OPALIN: variants seen among roughly 807,000 people sequenced by gnomAD.
The protein encoded by OPALIN is transmembrane protein 10.
In OPALIN, 15 loss-of-function variants were observed where a neutral mutation model predicts 17.8. The observed-to-expected ratio is 0.84, with a 90% CI of 0.56 to 1.29. OPALIN has a LOEUF of 1.29. OPALIN is among the 50% of genes most tolerant of loss of function. The pLI, the probability that OPALIN is intolerant of heterozygous loss-of-function variation, is 0.00. For missense variants in OPALIN, 170 were observed against 176.0 expected, an observed-to-expected ratio of 0.97 and a Z score of 0.19; for synonymous variants, 62 against 63.8, an observed-to-expected ratio of 0.97 and a Z score of 0.14.
chr10:96,353,109 C>G (rs974092463), intron 2 of OPALIN, among the ~76,000 whole-genome samples: 1 of 152,022 alleles, frequency 6.6e-6, no homozygotes, highest in Non-Finnish European at 1.5e-5. Context: ...TAAGGTCACA[C>G]AGCCCTAGGT....
intron 3 of OPALIN, 68 bp from the exon 4 acceptor site, chr10:96,349,894 A>G: frequency 4.1e-6 from 6 of 1,472,546 alleles, no homozygotes; most frequent in Admixed American, 2.7e-5. Flanking sequence ...GAAAAATTCA[A>G]TAGAATAAAA....
At chr10:96,348,180 C>T in intron 5 of OPALIN, 109 bp downstream of exon 5, 1 of 484,668 alleles carries the variant, frequency 2.1e-6, no homozygotes, top group Non-Finnish European at 3.7e-6. Flanking sequence ...TCTTGGTCAT[C>T]TCTTTTCTAC....
At position 96,346,123 on chromosome 10, in the gene OPALIN, G is replaced by C. The variant is rs761197518; in HGVS notation, c.250-6C>G. On this transcript the variant is annotated splice_region_variant and splice_polypyrimidine_tract_variant and intron_variant, in intron 5 of 5. Coordinates refer to ENST00000371172, the MANE Select transcript of OPALIN (RefSeq NM_033207.5). ...GTGGGTGATCTCCTAGGATTCTTAA[G>C]GAAACAAATAGGTTTTTTAAAAACT... 1 of 1,611,960 alleles carries C rather than the reference G, an allele frequency of 6.2e-7. No individual in the cohort carries two copies. Among genetic ancestry groups the C allele is most frequent in the Non-Finnish European group, 8.5e-7 (1 of 1,178,984 alleles).
At chr10:96,351,812 A>G (rs17111736) in intron 2 of OPALIN, among the ~76,000 whole-genome samples, 9,383 of 152,260 alleles carry the variant, frequency 0.062, 836 homozygotes, top group East Asian at 0.44. Flanking sequence ...GCTTGTTTTC[A>G]AGTATGTGAT....
intron 1 of OPALIN, among the ~76,000 whole-genome samples, chr10:96,355,837 G>C (rs545836432): frequency 6.6e-6 from 1 of 152,302 alleles, no homozygotes; most frequent in East Asian, 1.9e-4. Context: ...GTGGCCAGGA[G>C]GACAGGGGAA....
At chr10:96,357,072 G>T in intron 1 of OPALIN, 1 of 985,440 alleles carries the variant, frequency 1.0e-6, no homozygotes, top group Non-Finnish European at 1.2e-6. Flanking sequence ...TTAGGTCAGG[G>T]TCCTCTTGCT....
At chr10:96,349,652 C>T in intron 4 of OPALIN, 55 bp downstream of exon 4, 1 of 1,572,072 alleles carries the variant, frequency 6.4e-7, no homozygotes. Context: ...AAAGCCAGTT[C>T]ACTGAAATAC....
At position 96,349,785 on chromosome 10, in the gene OPALIN, C is replaced by T; in HGVS notation, c.114G>A (p.Leu38=). The change falls in exon 4 of 6, where the codon TTG becomes TTA. Residue 38 remains leucine, a synonymous_variant. Coordinates refer to ENST00000371172, the MANE Select transcript of OPALIN (RefSeq NM_033207.5). ...PSLGLAAGIP[L]LVATALLVAL... The stretch of plus-strand genomic sequence containing the variant: ...CCACCAGCAGGGCTGTGGCCACCAG[C>T]AATGGTATGCCCGCCGCTAATCCAA... The T allele has an allele frequency of 6.2e-7, 1 of 1,611,034 alleles. No individual in the cohort carries two copies. Among genetic ancestry groups the T allele is most frequent in the East Asian group, 2.2e-5 (1 of 44,852 alleles).
Position 96,345,224 on chromosome 10 carries a change from G to A in OPALIN, c.*717C>T, listed in dbSNP as rs1011764440. On this transcript the variant is annotated 3_prime_UTR_variant, in exon 6 of 6. Transcript: ENST00000371172. ...AACTAACATTTTGACTGGCAACTAAGTAGCAGACACTTCCCTTTATTTCTT... is the reference window on the plus strand; with the variant it reads ...AACTAACATTTTGACTGGCAACTAAATAGCAGACACTTCCCTTTATTTCTT... The A allele has an allele frequency of 6.6e-6, 1 of 152,214 alleles. No homozygotes were observed. Among genetic ancestry groups the A allele is most frequent in the Non-Finnish European group, 1.5e-5 (1 of 68,028 alleles). The allele number at this position is 152,214 out of a possible 1,614,324, so 9.4% of individuals were successfully genotyped here.
Position 96,343,368 on chromosome 10 carries a change from GAA to G in OPALIN, c.*2571_*2572del, listed in dbSNP as rs1172592738. On this transcript the variant is annotated 3_prime_UTR_variant, in exon 6 of 6. Coordinates refer to ENST00000371172, the MANE Select transcript of OPALIN (RefSeq NM_033207.5). The stretch of plus-strand genomic sequence containing the variant: ...TATTCTAAGCCGTGGATTATAAGTA[GAA>G]TTAAAATAAGTGATCCAAAACACAA... The G allele has an allele frequency of 6.6e-6, 1 of 152,162 alleles. No individual in the cohort carries two copies. Among genetic ancestry groups the G allele is most frequent in the Non-Finnish European group, 1.5e-5 (1 of 68,034 alleles). 9.4% of individuals were successfully genotyped at this position (152,162 alleles called of 1,614,324 possible).
In OPALIN at chr10:96,350,081, G is replaced by T. The variant is rs563964953; in HGVS notation, c.73-255C>A. On this transcript the variant is annotated intron_variant, in intron 3 of 5. Transcript: ENST00000371172. ...TGATCAAGTAGAAAAATGGGCAAAG[G>T]ATATGAACAGGTATTCTTTAGAACA... Among the ~76,000 whole-genome samples, 7 of 152,272 alleles carry T rather than the reference G, an allele frequency of 4.6e-5. No homozygotes were observed. In the South Asian group the frequency reaches 1.2e-3, roughly 27 times the overall value.
At chr10:96,354,710 C>T (rs747843783) in intron 2 of OPALIN, among the ~76,000 whole-genome samples, 7 of 150,430 alleles carry the variant, frequency 4.7e-5, no homozygotes, top group Non-Finnish European at 1.0e-4. Flanking sequence ...TGTTGTTTTC[C>T]TATTTTCCTT....
intron 4 of OPALIN, among the ~76,000 whole-genome samples, chr10:96,349,210 C>A (rs1365074215): frequency 1.3e-5 from 2 of 152,160 alleles, no homozygotes; most frequent in Admixed American, 6.5e-5. Flanking sequence ...CTTTTGATTT[C>A]TAAGCATAGT....
intron 5 of OPALIN, among the ~76,000 whole-genome samples, chr10:96,347,718 C>T (rs933546919): frequency 2.0e-5 from 3 of 152,116 alleles, no homozygotes; most frequent in Non-Finnish European, 4.4e-5. Context: ...GATGATTCAC[C>T]CGCCTCAGCC....
intron 2 of OPALIN, among the ~76,000 whole-genome samples, chr10:96,352,086 T>C (rs1313982817): frequency 2.6e-5 from 4 of 152,158 alleles, no homozygotes; most frequent in African/African-American, 9.7e-5. Context: ...CTGCCTGCCA[T>C]AGAACAGCCA....
chr10:96,352,322 AATT>A (rs767950772), intron 2 of OPALIN, among the ~76,000 whole-genome samples: 11 of 150,122 alleles, frequency 7.3e-5, no homozygotes, highest in Non-Finnish European at 1.5e-4. Context: ...GACTTTTGAC[AATT>A]ATTAACTCCA....
intron 2 of OPALIN, chr10:96,353,590 G>A (rs1444676089): frequency 5.4e-6 from 4 of 735,554 alleles, no homozygotes; most frequent in Non-Finnish European, 1.0e-5. Flanking sequence ...AACCAAGAGA[G>A]TACTCCAAAG....
rs3841416 is a variant in OPALIN at position 96,345,916 on chromosome 10, TCTG to T, written c.*22_*24del. Reference sequence around the variant, plus strand: ...TTTTCAACCCTGTTCCAGTGCCAGGTCTGCTGCTCCTTGACTGAGCTGCATCAT... The same window carrying T: ...TTTTCAACCCTGTTCCAGTGCCAGGTCTGCTCCTTGACTGAGCTGCATCAT... On this transcript the variant is annotated 3_prime_UTR_variant, in exon 6 of 6. Transcript: ENST00000371172. 0.17 allele frequency: 278,407 copies of T among 1,608,846 alleles called. 28,606 individuals are homozygous for T. The highest frequency in any genetic ancestry group is 0.49 in the East Asian group (21,886 of 44,766).
intron 5 of OPALIN, among the ~76,000 whole-genome samples, chr10:96,346,675 G>A (rs1386823911): frequency 6.6e-6 from 1 of 151,964 alleles, no homozygotes; most frequent in Admixed American, 6.6e-5. Flanking sequence ...ACCTCATTAA[G>A]TTCCATGAAA....
Sources: allele counts gnomAD v4.1 joint callset (sites outside exome capture counted in the v4.1 genomes callset), GRCh38; gene constraint gnomAD v4.1.1; transcripts MANE v1.5; gene names NCBI Gene and HGNC (gene_info 2026-07-23, HGNC 2026-07-21).